PRRG1: variants seen among roughly 807,000 people sequenced by gnomAD.
The protein encoded by PRRG1 is transmembrane gamma-carboxyglutamic acid protein 1.
PRRG1 carries 5 observed loss-of-function variants against 11.8 expected under a neutral mutation model. The observed-to-expected ratio is 0.42, with a 90% CI of 0.22 to 0.89. The LOEUF is 0.89. Among genes scored for constraint, PRRG1 ranks in the 40% least tolerant of loss-of-function variants. The probability of loss-of-function intolerance (pLI) is 0.28; values close to 1 mark genes in which losing one functional copy is unlikely to be tolerated. For missense variants in PRRG1, 155 were observed against 166.1 expected, an observed-to-expected ratio of 0.93 and a Z score of 0.37; for synonymous variants, 66 against 60.4, an observed-to-expected ratio of 1.09 and a Z score of -0.43.
At position 37,399,703 on chromosome X, in the gene PRRG1, C is replaced by T. The variant is rs1393574165; in HGVS notation, c.-41-6506C>T. On this transcript the variant is annotated intron_variant, in intron 1 of 3. Coordinates refer to ENST00000378628, the MANE Select transcript of PRRG1 (RefSeq NM_001142395.2). ...CAGACTGGCAAATTGGATAAAGAGTCAAGACCCATCAGTGTGCTGTATTCA... is the reference window on the plus strand; with the variant it reads ...CAGACTGGCAAATTGGATAAAGAGTTAAGACCCATCAGTGTGCTGTATTCA... Among the ~76,000 whole-genome samples the T allele has an allele frequency of 3.8e-5, 4 of 104,478 alleles. No homozygotes were observed. The South Asian group carries it at 1.9e-3, about 49-fold the overall frequency. The allele number at this position is 104,478 out of a possible 115,157, so 90.7% of individuals were successfully genotyped here. A position where few individuals can be genotyped will look rare whatever the true frequency, so the allele number is the denominator to read the frequency against.
At chrX:37,400,074 G>A (rs5918519) in intron 1 of PRRG1, among the ~76,000 whole-genome samples, 19,691 of 110,349 alleles carry the variant, frequency 0.18, 1,905 homozygotes, top group African/African-American at 0.37. Context: ...ACAGATCAAC[G>A]AGACAGAAAG....
intron 2 of PRRG1, among the ~76,000 whole-genome samples, chrX:37,420,679 AAAAAAAAAG>A: frequency 9.5e-6 from 1 of 105,148 alleles, no homozygotes; most frequent in African/African-American, 3.6e-5. Context: ...AAAAAAAAAA[AAAAAAAAAG>A]AAAAGAAAGA....
chrX:37,373,736 T>TGAA (rs1476805211), intron 1 of PRRG1, among the ~76,000 whole-genome samples: 1 of 111,932 alleles, frequency 8.9e-6, no homozygotes, highest in East Asian at 2.8e-4. Context: ...ACCAATAGTT[T>TGAA]AACTTTCTAT....
chrX:37,417,471 A>G (rs782542245), intron 2 of PRRG1, among the ~76,000 whole-genome samples: 1 of 111,928 alleles, frequency 8.9e-6, no homozygotes, highest in African/African-American at 3.2e-5. Flanking sequence ...TTATAAACAT[A>G]TCAGCTATGA....
At chrX:37,397,977 A>AACACACACAC (rs782125904) in intron 1 of PRRG1, among the ~76,000 whole-genome samples, 517 of 83,976 alleles carry the variant, frequency 6.2e-3, no homozygotes, top group South Asian at 0.011. Flanking sequence ...TATAAAAACT[A>AACACACACAC]ACACACACAC....
intron 1 of PRRG1, among the ~76,000 whole-genome samples, chrX:37,349,678 C>T (rs960027328): frequency 8.1e-5 from 9 of 111,473 alleles, no homozygotes; most frequent in African/African-American, 2.9e-4. Context: ...TGGGCAGGAC[C>T]GCGAGGCTTG....
intron 1 of PRRG1, among the ~76,000 whole-genome samples, chrX:37,356,952 G>A (rs1556366354): frequency 9.1e-6 from 1 of 110,471 alleles, no homozygotes; most frequent in Admixed American, 9.6e-5. Flanking sequence ...CTCACTCTTG[G>A]TATTGTACAT....
chrX:37,399,075 G>C (rs1556379339), intron 1 of PRRG1, among the ~76,000 whole-genome samples: 1 of 112,101 alleles, frequency 8.9e-6, no homozygotes, highest in East Asian at 2.8e-4. Flanking sequence ...TTATCCAGGA[G>C]AACTTCACCA....
chrX:37,362,309 T>C (rs1401429119), intron 1 of PRRG1, among the ~76,000 whole-genome samples: 1 of 111,919 alleles, frequency 8.9e-6, no homozygotes, highest in African/African-American at 3.2e-5. Flanking sequence ...ACGGTTTATA[T>C]ACTTGACCTT....
At chrX:37,361,931 G>A (rs915608299) in intron 1 of PRRG1, among the ~76,000 whole-genome samples, 4 of 111,987 alleles carry the variant, frequency 3.6e-5, no homozygotes, top group South Asian at 3.7e-4. Flanking sequence ...ATTTGCTGTC[G>A]CTGCAAAAAA....
chrX:37,392,934 T>C (rs1931590206), intron 1 of PRRG1, among the ~76,000 whole-genome samples: 1 of 111,804 alleles, frequency 8.9e-6, no homozygotes, highest in Non-Finnish European at 1.9e-5. Flanking sequence ...TGCTTACTGT[T>C]GGATTCTCTA....
chrX:37,399,577 C>T (rs1389960755), intron 1 of PRRG1, among the ~76,000 whole-genome samples: 2,638 of 101,543 alleles, frequency 0.026, 96 homozygotes, highest in African/African-American at 0.087. Context: ...CATCAACTAA[C>T]GAGCAAAATC....
At chrX:37,374,643 C>G (rs1371619539) in intron 1 of PRRG1, among the ~76,000 whole-genome samples, 5 of 111,444 alleles carry the variant, frequency 4.5e-5, no homozygotes, top group African/African-American at 1.6e-4. Context: ...GATCTGTCTT[C>G]GAGTTCACTT....
intron 3 of PRRG1, among the ~76,000 whole-genome samples, chrX:37,444,588 G>T (rs1344632320): frequency 3.6e-5 from 4 of 111,711 alleles, no homozygotes; most frequent in African/African-American, 1.3e-4. Flanking sequence ...TTATGTGGTA[G>T]CTATGAGTTA....
intron 1 of PRRG1, among the ~76,000 whole-genome samples, chrX:37,383,791 C>T (rs190086179): frequency 8.1e-5 from 9 of 111,051 alleles, no homozygotes; most frequent in Non-Finnish European, 1.1e-4. Context: ...CAGATTGTTA[C>T]ATTTGGAGCT....
intron 2 of PRRG1, among the ~76,000 whole-genome samples, chrX:37,409,014 G>A (rs1156673598): frequency 9.0e-6 from 1 of 111,336 alleles, no homozygotes; most frequent in African/African-American, 3.3e-5. Context: ...AACAATGTGG[G>A]GGCTAGGGAT....
At position 37,421,636 on chromosome X, in the gene PRRG1, C is replaced by A. The variant is rs782783522; in HGVS notation, c.11-4204C>A. Among the ~76,000 whole-genome samples the A allele has an allele frequency of 4.5e-5, 5 of 112,121 alleles. No homozygotes were observed. The South Asian group carries it at 1.9e-3, about 42-fold the overall frequency. ...GATTTCATCCTATAGATCAAAGCTG[C>A]CACCTTCTCCCTTATTTTGTTTTCG... On this transcript the variant is annotated intron_variant, in intron 2 of 3. Transcript: ENST00000378628.
intron 3 of PRRG1, among the ~76,000 whole-genome samples, chrX:37,428,446 A>C (rs1235245661): frequency 1.8e-5 from 2 of 111,827 alleles, no homozygotes; most frequent in African/African-American, 6.5e-5. Flanking sequence ...AAGGGTATAC[A>C]GGCCCTTTGC....
At chrX:37,424,947 G>A (rs1271846174) in intron 2 of PRRG1, among the ~76,000 whole-genome samples, 1 of 111,009 alleles carries the variant, frequency 9.0e-6, no homozygotes, top group African/African-American at 3.3e-5. Context: ...TCTTATGTCA[G>A]AATTCTATAA....
Sources: allele counts gnomAD v4.1 joint callset (sites outside exome capture counted in the v4.1 genomes callset), GRCh38; gene constraint gnomAD v4.1.1; transcripts MANE v1.5; gene names NCBI Gene and HGNC (gene_info 2026-07-23, HGNC 2026-07-21).